Variants in LRRTM4 observed in about 807,000 individuals in gnomAD.
LRRTM4 encodes leucine-rich repeat transmembrane neuronal protein 4.
LRRTM4 carries 25 observed loss-of-function variants against 47.6 expected under a neutral mutation model. That is an observed-to-expected ratio of 0.53 (90% CI 0.38 to 0.73). LRRTM4 has a LOEUF of 0.73. LRRTM4 is among the 30% of genes least tolerant of loss of function. The probability of loss-of-function intolerance (pLI) is 0.00; values close to 1 mark genes in which losing one functional copy is unlikely to be tolerated. For missense variants in LRRTM4, 638 were observed against 713.4 expected, an observed-to-expected ratio of 0.89 and a Z score of 1.20; for synonymous variants, 311 against 269.5, an observed-to-expected ratio of 1.15 and a Z score of -1.51.
chr2:76,957,005 AG>A (rs1292726730), intron 3 of LRRTM4, among the ~76,000 whole-genome samples: 6 of 151,796 alleles, frequency 4.0e-5, no homozygotes, highest in Admixed American at 1.3e-4. Context: ...AACAAGAGTT[AG>A]AAACAAATTG....
intron 3 of LRRTM4, among the ~76,000 whole-genome samples, chr2:77,061,901 A>G (rs893142877): frequency 1.3e-5 from 2 of 151,978 alleles, no homozygotes; most frequent in Non-Finnish European, 2.9e-5. Flanking sequence ...TCATCTACAT[A>G]GTATTTAATA....
intron 3 of LRRTM4, among the ~76,000 whole-genome samples, chr2:77,413,301 G>C (rs747272874): frequency 1.3e-5 from 2 of 152,114 alleles, no homozygotes; most frequent in Non-Finnish European, 2.9e-5. Context: ...GCTCAAATGA[G>C]GTCACTGAGA....
At chr2:77,060,027 C>T (rs1465977901) in intron 3 of LRRTM4, among the ~76,000 whole-genome samples, 2 of 152,182 alleles carry the variant, frequency 1.3e-5, no homozygotes, top group Non-Finnish European at 2.9e-5. Context: ...CAGACTATGG[C>T]TTGCAGGCCA....
chr2:77,516,604 A>G, intron 3 of LRRTM4: 1 of 981,980 alleles, frequency 1.0e-6, no homozygotes, highest in Non-Finnish European at 1.2e-6. Flanking sequence ...TTGTGTTACT[A>G]ATACTCAAGT....
chr2:77,217,917 C>T (rs1410250116), intron 3 of LRRTM4, among the ~76,000 whole-genome samples: 1 of 152,194 alleles, frequency 6.6e-6, no homozygotes, highest in Non-Finnish European at 1.5e-5. Flanking sequence ...CTACTACACT[C>T]ATTGTGCAGT....
chr2:77,319,444 A>T (rs1316821744), intron 3 of LRRTM4, among the ~76,000 whole-genome samples: 1 of 151,924 alleles, frequency 6.6e-6, no homozygotes, highest in Non-Finnish European at 1.5e-5. Context: ...AATTTAGCTA[A>T]CACCTACCTG....
intron 3 of LRRTM4, among the ~76,000 whole-genome samples, chr2:77,112,375 G>A (rs1365609933): frequency 1.3e-5 from 2 of 152,232 alleles, no homozygotes; most frequent in East Asian, 3.9e-4. Flanking sequence ...GGAGTATAAG[G>A]TGACAAAATA....
chr2:76,885,716 C>T (rs965786596), intron 3 of LRRTM4, among the ~76,000 whole-genome samples: 3 of 152,036 alleles, frequency 2.0e-5, no homozygotes, highest in East Asian at 1.9e-4. Flanking sequence ...CCGCCCGCCT[C>T]GGCCTCCCAA....
chr2:77,116,671 T>A (rs2103946902), intron 3 of LRRTM4, among the ~76,000 whole-genome samples: 1 of 152,276 alleles, frequency 6.6e-6, no homozygotes, highest in South Asian at 2.1e-4. Flanking sequence ...CTGACAAGAT[T>A]CAGCACTCTT....
chr2:77,155,415 G>A (rs1282961830), intron 3 of LRRTM4, among the ~76,000 whole-genome samples: 2 of 151,708 alleles, frequency 1.3e-5, no homozygotes, highest in African/African-American at 4.8e-5. Context: ...TCCTAATCCA[G>A]TCTGCATTTA....
At chr2:77,050,896 T>G (rs1056395921) in intron 3 of LRRTM4, among the ~76,000 whole-genome samples, 1 of 152,182 alleles carries the variant, frequency 6.6e-6, no homozygotes, top group Admixed American at 6.6e-5. Context: ...TTATTACAAA[T>G]ATTTTGATAA....
chr2:76,795,592 TACACAC>T (rs1299097982), intron 3 of LRRTM4, among the ~76,000 whole-genome samples: 2 of 108,498 alleles, frequency 1.8e-5, no homozygotes, highest in Non-Finnish European at 3.6e-5. Flanking sequence ...CACACACACA[TACACAC>T]ACACTACATT....
chr2:77,244,891 C>T (rs775428470), intron 3 of LRRTM4, among the ~76,000 whole-genome samples: 5 of 152,064 alleles, frequency 3.3e-5, no homozygotes, highest in African/African-American at 4.8e-5. Flanking sequence ...TGGCAACATC[C>T]GTGTAAGTAA....
intron 3 of LRRTM4, among the ~76,000 whole-genome samples, chr2:77,077,608 C>G (rs1332261769): frequency 6.6e-6 from 1 of 152,216 alleles, no homozygotes; most frequent in African/African-American, 2.4e-5. Context: ...GCTCAGTGAT[C>G]TGGGAACCTA....
chr2:76,930,567 A>G (rs2103832763), intron 3 of LRRTM4, among the ~76,000 whole-genome samples: 1 of 152,204 alleles, frequency 6.6e-6, no homozygotes, highest in Non-Finnish European at 1.5e-5. Context: ...TTGGTCATTG[A>G]TTTCTCCGGG....
At chr2:77,488,578 G>A (rs1317453251) in intron 3 of LRRTM4, among the ~76,000 whole-genome samples, 1 of 152,190 alleles carries the variant, frequency 6.6e-6, no homozygotes, top group Non-Finnish European at 1.5e-5. Context: ...ATGACAGAAA[G>A]AGCAATGTGT....
intron 3 of LRRTM4, among the ~76,000 whole-genome samples, chr2:76,785,117 G>T (rs537355145): frequency 1.3e-5 from 2 of 152,026 alleles, no homozygotes; most frequent in African/African-American, 4.8e-5. Context: ...TTGCTACACC[G>T]ATCTTGAAGA....
intron 3 of LRRTM4, among the ~76,000 whole-genome samples, chr2:77,238,158 G>A (rs12620857): frequency 0.15 from 22,963 of 152,038 alleles, 2,923 homozygotes; most frequent in East Asian, 0.33. Context: ...CTTGTCACAA[G>A]TAAAGCTATT....
chr2:77,064,526 G>C (rs1344354041), intron 3 of LRRTM4, among the ~76,000 whole-genome samples: 1 of 152,140 alleles, frequency 6.6e-6, no homozygotes, highest in Non-Finnish European at 1.5e-5. Flanking sequence ...AAAGTCACCT[G>C]TCAAAAATAA....
Sources: gnomAD v4.1 joint callset for allele counts (sites outside exome capture counted in the v4.1 genomes callset) on GRCh38, gnomAD v4.1.1 for gene constraint, MANE v1.5 for transcripts, NCBI Gene and HGNC (gene_info 2026-07-23, HGNC 2026-07-21) for gene names.